Variants in DARS2 observed in about 807,000 individuals in gnomAD.
DARS2 encodes aspartate--tRNA ligase, mitochondrial.
In DARS2, 63 loss-of-function variants were observed where a neutral mutation model predicts 83.0. The observed-to-expected ratio is 0.76, with a 90% CI of 0.62 to 0.94. DARS2 has a LOEUF of 0.94. Among genes scored for constraint, DARS2 ranks in the 40% least tolerant of loss-of-function variants. DARS2 has a pLI of 0.00. For synonymous variants in DARS2, 250 were observed against 269.3 expected (o/e 0.93, Z 0.70); for missense variants, 675 against 774.4 (o/e 0.87, Z 1.52).
At chr1:173,843,131 T>C (rs1206246416) in intron 11 of DARS2, among the ~76,000 whole-genome samples, 1 of 152,076 alleles carries the variant, frequency 6.6e-6, no homozygotes, top group Non-Finnish European at 1.5e-5. Context: ...CCGTACCTAG[T>C]TAAATGCCAC....
chr1:173,838,509 T>C (rs1653089883), intron 9 of DARS2, among the ~76,000 whole-genome samples: 1 of 152,128 alleles, frequency 6.6e-6, no homozygotes, highest in Non-Finnish European at 1.5e-5. Context: ...TTAGTATGTG[T>C]GCTGCCAAAA....
In DARS2 at chr1:173,856,748, A is replaced by T; in HGVS notation, c.1750+7A>T. On this transcript the variant is annotated splice_region_variant and intron_variant, in intron 16 of 16. Coordinates refer to ENST00000649689, the MANE Select transcript of DARS2 (RefSeq NM_018122.5). ...CATGGAGGAATTGCCTTAGGTAAAC[A>T]ACTTTTCCTTTTATAAGATAAACTG... is the stretch of plus-strand genomic sequence containing the variant. 2 of 1,613,166 alleles carry T rather than the reference A, an allele frequency of 1.2e-6. No individual in the cohort carries two copies. Among genetic ancestry groups the T allele is most frequent in the Non-Finnish European group, 1.7e-6 (2 of 1,179,234 alleles).
intron 12 of DARS2, 67 bp from the exon 13 acceptor site, chr1:173,850,257 TAAG>T: frequency 6.2e-6 from 9 of 1,453,094 alleles, no homozygotes; most frequent in Non-Finnish European, 8.3e-6. Flanking sequence ...CTTTGTATTA[TAAG>T]AAGATAAATT....
chr1:173,828,808 A>G (rs924028978), intron 3 of DARS2, among the ~76,000 whole-genome samples: 2 of 152,184 alleles, frequency 1.3e-5, no homozygotes, highest in African/African-American at 4.8e-5. Flanking sequence ...CAATTTGGCA[A>G]TATCAAAACT....
chr1:173,826,195 GC>G (rs1213979198), intron 1 of DARS2, among the ~76,000 whole-genome samples: 1 of 151,020 alleles, frequency 6.6e-6, no homozygotes, highest in Non-Finnish European at 1.5e-5. Context: ...CTGCACTCCA[GC>G]CTGGGCGACA....
chr1:173,839,605 C>G, intron 10 of DARS2, 59 bp downstream of exon 10: 1 of 1,521,224 alleles, frequency 6.6e-7, no homozygotes, highest in Non-Finnish European at 9.1e-7. Context: ...TCTTTTTAAA[C>G]CACTTTGAAA....
rs376219629 is a variant in DARS2, at chr1:173,857,661, C to A, written c.1894C>A (p.Arg632=). Residue 632 remains arginine (R), a synonymous_variant, in exon 17 of 17, where the codon CGA becomes AGA. Transcript: ENST00000649689. ...PPEELKPYHI[R]VSKPTDSKAE... ...TGAGGAACTGAAGCCCTATCATATC[C>A]GAGTCTCCAAGCCAACAGACTCCAA... is the stretch of plus-strand genomic sequence containing the variant. 1.6e-5 allele frequency: 26 copies of A among 1,614,028 alleles called. 1 individual carries two copies. The South Asian group carries it at 2.5e-4, about 16-fold the overall frequency.
Position 173,853,558 on chromosome 1 carries a change from G to T in DARS2, c.1554G>T (p.Glu518Asp). 1 of 1,613,960 alleles carries T rather than the reference G, an allele frequency of 6.2e-7. No homozygotes were observed. Among genetic ancestry groups the T allele is most frequent in the South Asian group, 1.1e-5 (1 of 91,072 alleles). The change falls in exon 14 of 17, where the codon GAG becomes GAT. Residue 518 changes from glutamate to aspartate, a missense_variant. By Grantham distance (45) the Glu-to-Asp change is conservative. Coordinates refer to ENST00000649689, the MANE Select transcript of DARS2 (RefSeq NM_018122.5). Reference sequence around the variant, plus strand: ...GTGACATACATCTCCTGTACACTGAGCCCAAAAAGGTACCGTATCTATACT... The same window carrying T: ...GTGACATACATCTCCTGTACACTGATCCCAAAAAGGTACCGTATCTATACT... ...HPSDIHLLYT[E>D]PKKARSQHYD...
chr1:173,834,617 T>G, intron 7 of DARS2, 98 bp downstream of exon 7: 1 of 850,926 alleles, frequency 1.2e-6, no homozygotes, highest in Non-Finnish European at 2.0e-6. Context: ...TTTTATTTAC[T>G]GCCTCAGGAT....
chr1:173,853,315 A>G (rs1246234817), intron 13 of DARS2, 34 bp from the exon 14 acceptor site: 2 of 1,601,264 alleles, frequency 1.2e-6, no homozygotes, highest in African/African-American at 2.7e-5. Flanking sequence ...CTCTGTCAAG[A>G]AGTTAACTCA....
chr1:173,855,020 AAGG>A lies in DARS2; in HGVS notation c.1674+1118_1674+1120del, dbSNP rs1463895348. 2.0e-5 allele frequency among the ~76,000 whole-genome samples: 3 copies of A among 152,240 alleles called. No individual in the cohort carries two copies. In the East Asian group the frequency reaches 5.8e-4, roughly 29 times the overall value. On this transcript the variant is annotated intron_variant, in intron 15 of 16. Coordinates refer to ENST00000649689, the MANE Select transcript of DARS2 (RefSeq NM_018122.5). Reference sequence around the variant, plus strand: ...AACTGACAAGTGTGAGGTAGGATGGAAGGAGAACTCAGACCATGAGATGACTCC... The same window carrying A: ...AACTGACAAGTGTGAGGTAGGATGGAAGAACTCAGACCATGAGATGACTCC...
At position 173,853,456 on chromosome 1, in the gene DARS2, C is replaced by T. The variant is rs181672516; in HGVS notation, c.1452C>T (p.Phe484=). The change falls in exon 14 of 17, where the codon TTC becomes TTT. Residue 484 remains phenylalanine (F), a synonymous_variant. Transcript: ENST00000649689. ...TCTCTTTCCTTTGGGTGGTAGATTT[C>T]CCACTCTTCCTGCCCAAGGAGGAAA... ...TLFSFLWVVD[F]PLFLPKEENP... 1.1e-5 allele frequency: 17 copies of T among 1,614,114 alleles called. 1 individual carries two copies. In the South Asian group the frequency reaches 1.8e-4, roughly 17 times the overall value.
At chr1:173,847,625 A>G (rs1653484415) in intron 12 of DARS2, among the ~76,000 whole-genome samples, 1 of 152,208 alleles carries the variant, frequency 6.6e-6, no homozygotes, top group Non-Finnish European at 1.5e-5. Context: ...ATAAAGAACC[A>G]TTAATGATGA....
At chr1:173,825,397 A>G (rs1239479004) in intron 1 of DARS2, 41 bp downstream of exon 1, 2 of 1,600,430 alleles carry the variant, frequency 1.2e-6, no homozygotes, top group Non-Finnish European at 1.7e-6. Flanking sequence ...ACAGTACTTC[A>G]GCCTGTTATC....
intron 13 of DARS2, chr1:173,851,806 T>C: frequency 2.0e-6 from 2 of 984,114 alleles, no homozygotes; most frequent in Non-Finnish European, 2.4e-6. Context: ...TTCTAATCTA[T>C]ATTTTCATTT....
chr1:173,834,744 T>TAA, intron 7 of DARS2, among the ~76,000 whole-genome samples: 1 of 127,804 alleles, frequency 7.8e-6, no homozygotes, highest in African/African-American at 3.8e-5. Context: ...TTTTTTTTTT[T>TAA]TTTTTTTTTT....
In DARS2 at chr1:173,839,388, G is replaced by T. The variant is rs1381475280; in HGVS notation, c.862G>T (p.Val288Leu). 6.2e-7 allele frequency: 1 copy of T among 1,614,038 alleles called. No homozygotes were observed. The highest frequency in any genetic ancestry group is 1.3e-5 in the African/African-American group (1 of 74,932). ...TCAGATTGACATAGAGATGTCATTTGTAGACCAGACTGGGATCCAGAGTTT... is the reference window on the plus strand; with the variant it reads ...TCAGATTGACATAGAGATGTCATTTTTAGACCAGACTGGGATCCAGAGTTT... ...FTQIDIEMSF[V>L]DQTGIQSLIE... is the part of the protein sequence containing the mutation. Residue 288 changes from valine to leucine, a missense_variant, in exon 10 of 17, where the codon GTA becomes TTA. By Grantham distance (32) the Val-to-Leu change is conservative. Transcript: ENST00000649689.
rs753462609 is a variant in DARS2, at chr1:173,828,325, T to A, written c.228-8T>A. On this transcript the variant is annotated splice_region_variant and splice_polypyrimidine_tract_variant and intron_variant, in intron 2 of 16. Coordinates refer to ENST00000649689, the MANE Select transcript of DARS2 (RefSeq NM_018122.5). ...AAAATGTTTCTTTTCCCCCCCCCCA[T>A]TAATCAGGCAAAACACATTCTTGGT... The A allele has an allele frequency of 6.1e-6, 5 of 820,614 alleles. No individual in the cohort carries two copies. The highest frequency in any genetic ancestry group is 5.3e-5 in the South Asian group (4 of 75,166). 50.8% of individuals were successfully genotyped at this position (820,614 alleles called of 1,614,324 possible). A position where few individuals can be genotyped will look rare whatever the true frequency, so the allele number is the denominator to read the frequency against.
intron 15 of DARS2, among the ~76,000 whole-genome samples, chr1:173,854,646 A>T (rs1417558858): frequency 1.1e-4 from 17 of 152,226 alleles, no homozygotes; most frequent in Admixed American, 1.1e-3. Flanking sequence ...CCATGCTCCT[A>T]ACCACTACCC....
Sources: gnomAD v4.1 joint callset for allele counts (sites outside exome capture counted in the v4.1 genomes callset) on GRCh38, gnomAD v4.1.1 for gene constraint, MANE v1.5 for transcripts, NCBI Gene and HGNC (gene_info 2026-07-23, HGNC 2026-07-21) for gene names.